CHD6: variants seen among roughly 807,000 people sequenced by gnomAD.
CHD6 encodes chromodomain helicase DNA binding protein 6, also known as ATP-dependent chromatin remodeler CHD6.
In CHD6, 50 loss-of-function variants were observed where a neutral mutation model predicts 276.9. The observed-to-expected ratio is 0.18, with a 90% confidence interval of 0.14 to 0.23. CHD6 has a LOEUF of 0.23. Among genes scored for constraint, CHD6 ranks in the 10% least tolerant of loss-of-function variants. The pLI is 1.00. For missense variants in CHD6, 2,564 were observed against 3,365.8 expected, an observed-to-expected ratio of 0.76 and a Z score of 5.89; for synonymous variants, 1,173 against 1,229.3, an observed-to-expected ratio of 0.95 and a Z score of 0.96.
At position 41,552,702 on chromosome 20, in the gene CHD6, T is replaced by C. The variant is rs143389171; in HGVS notation, c.-23-1342A>G. 3.9e-5 allele frequency among the ~76,000 whole-genome samples: 6 copies of C among 152,300 alleles called. No homozygotes were observed. In the East Asian group the frequency reaches 1.2e-3, roughly 29 times the overall value. ...CTGTCAATTTAGATTTTTCTCCCTC[T>C]AAGAGTTAGAGGCATTTTCTATTAA... On this transcript the variant is annotated intron_variant, in intron 1 of 36. Transcript: ENST00000373233.
chr20:41,483,547 C>T, intron 15 of CHD6, 28 bp from the exon 16 acceptor site: 1 of 1,515,806 alleles, frequency 6.6e-7, no homozygotes, highest in East Asian at 2.3e-5. Context: ...AAAACTATTC[C>T]TCGGACAGAA....
chr20:41,451,321 TGTCA>T (rs1389967724), intron 22 of CHD6, among the ~76,000 whole-genome samples: 12 of 152,226 alleles, frequency 7.9e-5, no homozygotes, highest in Non-Finnish European at 1.3e-4. Context: ...CCATTTAGTT[TGTCA>T]GTAAGATTTC....
At chr20:41,495,896 A>G (rs2043673915) in intron 8 of CHD6, among the ~76,000 whole-genome samples, 1 of 152,206 alleles carries the variant, frequency 6.6e-6, no homozygotes, top group South Asian at 2.1e-4. Flanking sequence ...CCATGGCCTG[A>G]GGCCACCCAG....
intron 27 of CHD6, among the ~76,000 whole-genome samples, chr20:41,428,317 G>A (rs377138862): frequency 1.7e-4 from 26 of 152,170 alleles, no homozygotes; most frequent in African/African-American, 1.9e-4. Context: ...TTAATAATCC[G>A]TTTAATGTGA....
At position 41,540,930 on chromosome 20, in the gene CHD6, T is replaced by C. The variant is rs778207266; in HGVS notation, c.34-7360A>G. On this transcript the variant is annotated intron_variant, in intron 2 of 36. Transcript: ENST00000373233. ...ACAACATTTCAGGTAGCTAAAGTTATTTCCTAATTAAAATTAGGATTGTTT... is the reference window on the plus strand; with the variant it reads ...ACAACATTTCAGGTAGCTAAAGTTACTTCCTAATTAAAATTAGGATTGTTT... 9.0e-4 allele frequency among the ~76,000 whole-genome samples: 137 copies of C among 152,166 alleles called. 1 individual carries two copies. The highest frequency in any genetic ancestry group is 1.6e-3 in the Non-Finnish European group (111 of 68,028).
intron 14 of CHD6, among the ~76,000 whole-genome samples, chr20:41,486,475 G>A (rs1037161222): frequency 6.6e-6 from 1 of 152,182 alleles, no homozygotes; most frequent in African/African-American, 2.4e-5. Flanking sequence ...TAGGAATTAA[G>A]TTTGATTATT....
intron 23 of CHD6, among the ~76,000 whole-genome samples, chr20:41,449,776 T>C (rs954196788): frequency 2.0e-5 from 3 of 152,204 alleles, no homozygotes; most frequent in Admixed American, 6.5e-5. Flanking sequence ...AAACAAAACA[T>C]ACATGTGTAT....
At position 41,421,057 on chromosome 20, in the gene CHD6, T is replaced by A. The variant is rs752356751; in HGVS notation, c.5578A>T (p.Ser1860Cys). The change falls in exon 31 of 37, where the codon AGT becomes TGT. Residue 1860 changes from serine (S) to cysteine (C), a missense_variant. By Grantham distance (112) the Ser-to-Cys change is moderately radical. Transcript: ENST00000373233. ...TCCTCCTCATCACTGTGGTTCTGAC[T>A]CAAAATCAATTTACTTTCTAAGCTT... ...NKSLESKLIL[S>C]QNHSDEEEEE... 1.2e-6 allele frequency: 2 copies of A among 1,613,772 alleles called. No individual in the cohort carries two copies. Among genetic ancestry groups the A allele is most frequent in the African/African-American group, 2.7e-5 (2 of 74,916 alleles).
At chr20:41,558,563 A>T (rs1178656081) in intron 1 of CHD6, among the ~76,000 whole-genome samples, 1 of 152,202 alleles carries the variant, frequency 6.6e-6, no homozygotes, top group African/African-American at 2.4e-5. Context: ...TGCTCCTATT[A>T]AGAAAAAGGG....
intron 5 of CHD6, among the ~76,000 whole-genome samples, chr20:41,510,918 A>G (rs973229102): frequency 2.6e-5 from 4 of 152,218 alleles, no homozygotes; most frequent in Non-Finnish European, 5.9e-5. Flanking sequence ...TAGTGACAAT[A>G]TATCAAATTA....
At chr20:41,557,398 G>C (rs1290281942) in intron 1 of CHD6, among the ~76,000 whole-genome samples, 1 of 151,650 alleles carries the variant, frequency 6.6e-6, no homozygotes, top group Non-Finnish European at 1.5e-5. Flanking sequence ...AGAACATTTT[G>C]AAAGTTTTCT....
rs559479620 is a variant in CHD6, at chr20:41,452,202, G to A, written c.3324-177C>T. Among the ~76,000 whole-genome samples, 2 of 152,194 alleles carry A rather than the reference G, an allele frequency of 1.3e-5. No individual in the cohort carries two copies. The highest frequency in any genetic ancestry group is 6.5e-5 in the Admixed American group (1 of 15,286). On this transcript the variant is annotated intron_variant, in intron 21 of 36. Coordinates refer to ENST00000373233, the MANE Select transcript of CHD6 (RefSeq NM_032221.5). This position sits in a 1 kb window ranked among gnomAD's most constrained non-coding sequence, Gnocchi z 4.2. ...GAGGACCACCTGACTGTAGCACACC[G>A]AATATCACTAAAGTGACCTGGACGT...
At chr20:41,460,751 C>A (rs2048520894) in intron 17 of CHD6, among the ~76,000 whole-genome samples, 1 of 152,222 alleles carries the variant, frequency 6.6e-6, no homozygotes, top group South Asian at 2.1e-4. Flanking sequence ...TCTGCTAGAG[C>A]AGTGCGGAAG....
At chr20:41,563,999 G>C (rs1210034944) in intron 1 of CHD6, 1 of 768,670 alleles carries the variant, frequency 1.3e-6, no homozygotes, top group African/African-American at 1.7e-5. Flanking sequence ...TTTTGTGGTA[G>C]AACAGCAGTA....
At chr20:41,603,785 T>TG (rs1317144833) in intron 1 of CHD6, among the ~76,000 whole-genome samples, 2 of 152,014 alleles carry the variant, frequency 1.3e-5, no homozygotes, top group African/African-American at 2.4e-5. Context: ...GAGAATCACT[T>TG]GAACCCAGGG....
intron 4 of CHD6, among the ~76,000 whole-genome samples, chr20:41,513,736 T>C (rs1477342358): frequency 1.3e-5 from 2 of 152,206 alleles, no homozygotes; most frequent in Non-Finnish European, 2.9e-5. Flanking sequence ...GAACCATTTA[T>C]CAGCCAGCTC....
chr20:41,543,672 A>T (rs1173354865), intron 2 of CHD6, among the ~76,000 whole-genome samples: 1 of 152,236 alleles, frequency 6.6e-6, no homozygotes, highest in Non-Finnish European at 1.5e-5. Flanking sequence ...AAGGGTCCCA[A>T]GATGAGGGTC....
chr20:41,435,575 G>A (rs1253814003), intron 27 of CHD6, among the ~76,000 whole-genome samples: 3 of 145,970 alleles, frequency 2.1e-5, no homozygotes, highest in African/African-American at 7.7e-5. Context: ...CCACACTCCA[G>A]TCTAGGTGAA....
intron 1 of CHD6, among the ~76,000 whole-genome samples, chr20:41,560,982 C>T (rs1227366361): frequency 6.6e-6 from 1 of 151,988 alleles, no homozygotes; most frequent in Non-Finnish European, 1.5e-5. Flanking sequence ...ATTTTCTTTT[C>T]GATTTTAGGC....
Sources: gnomAD v4.1 joint callset for allele counts (sites outside exome capture counted in the v4.1 genomes callset) on GRCh38, gnomAD v4.1.1 for gene constraint, Gnocchi (gnomAD v3.1) non-coding constraint, MANE v1.5 for transcripts, NCBI Gene and HGNC (gene_info 2026-07-23, HGNC 2026-07-21) for gene names.